URB1: variants seen among roughly 807,000 people sequenced by gnomAD.
URB1 encodes the protein nucleolar pre-ribosomal-associated protein 1.
Under a neutral mutation model 242.3 loss-of-function variants are expected in URB1, and 197 were observed. The ratio of observed to expected loss-of-function variants is 0.81; its 90% CI spans 0.72 to 0.91. URB1 has a LOEUF of 0.91. Ranked by LOEUF, URB1 falls within the 40% of genes least tolerant of loss-of-function variation. The probability of loss-of-function intolerance (pLI) is 0.00; values close to 1 mark genes in which losing one functional copy is unlikely to be tolerated. For synonymous variants in URB1, 1,153 were observed against 1,201.8 expected (o/e 0.96, Z 0.84); for missense variants, 2,721 against 2,860.5 (o/e 0.95, Z 1.11).
At chr21:32,376,081 T>A (rs1321762772) in intron 5 of URB1, among the ~76,000 whole-genome samples, 3 of 152,192 alleles carry the variant, frequency 2.0e-5, no homozygotes, top group Non-Finnish European at 4.4e-5. Flanking sequence ...TTACTTTTCT[T>A]TTCTCATATT....
rs577353560 is a variant in URB1 at position 32,313,398 on chromosome 21, A to G, written c.*1520T>C. The G allele has an allele frequency of 9.2e-5, 14 of 152,284 alleles. No homozygotes were observed. The highest frequency in any genetic ancestry group is 2.1e-4 in the Non-Finnish European group (14 of 68,072). 9.4% of individuals were successfully genotyped at this position (152,284 alleles called of 1,614,324 possible). A position where few individuals can be genotyped will look rare whatever the true frequency, so the allele number is the denominator to read the frequency against. On this transcript the variant is annotated 3_prime_UTR_variant, in exon 39 of 39. Transcript: ENST00000382751. ...AACCAGGAAGAGAACGCTTTGTTGG[A>G]GCAGCGCTTGCCTGAGTCCAGCTTG...
intron 1 of URB1, 59 bp from the exon 2 acceptor site, chr21:32,385,743 G>A (rs1374402111): frequency 6.5e-7 from 1 of 1,538,064 alleles, no homozygotes. Context: ...AACAATCACA[G>A]CCACCACTGC....
In URB1 at chr21:32,354,107, A is replaced by C. The variant is rs2033191293; in HGVS notation, c.2246-4T>G. The C allele has an allele frequency of 2.6e-6, 4 of 1,551,526 alleles. No homozygotes were observed. The highest frequency in any genetic ancestry group is 3.5e-6 in the Non-Finnish European group (4 of 1,146,970). ...ACATCCACCATGTCGAGAACATCTG[A>C]GACAGAAAGAGGAGAATCCAGCTGA... On this transcript the variant is annotated splice_polypyrimidine_tract_variant and splice_region_variant and intron_variant, in intron 17 of 38. Transcript: ENST00000382751.
rs764564202 is a variant in URB1, at chr21:32,354,975, T to A, written c.2129A>T (p.Asn710Ile). Residue 710 changes from asparagine (N) to isoleucine (I), a missense_variant, in exon 17 of 39, where the codon AAT becomes ATT. Coordinates refer to ENST00000382751, the MANE Select transcript of URB1 (RefSeq NM_014825.3). ...TGCTTTGTCTGTGTATGAATAGGGATTCGCCACCAATGTCAATAAAATCTG... is the reference window on the plus strand; with the variant it reads ...TGCTTTGTCTGTGTATGAATAGGGAATCGCCACCAATGTCAATAAAATCTG... Reference protein sequence around the residue: ...LERILLTLVANPYSYTDKASD... With the variant: ...LERILLTLVAIPYSYTDKASD... The A allele has an allele frequency of 1.5e-5, 24 of 1,551,002 alleles. No individual in the cohort carries two copies. In the African/African-American group the frequency reaches 3.0e-4, roughly 19 times the overall value.
intron 15 of URB1, among the ~76,000 whole-genome samples, chr21:32,356,110 G>C (rs1342421650): frequency 6.6e-6 from 1 of 152,232 alleles, no homozygotes; most frequent in Non-Finnish European, 1.5e-5. Flanking sequence ...GCCAGGCATA[G>C]GGGCTCATGC....
chr21:32,381,105 C>T (rs1163701898), intron 4 of URB1, among the ~76,000 whole-genome samples: 5 of 152,242 alleles, frequency 3.3e-5, no homozygotes, highest in South Asian at 2.1e-4. Context: ...CTGCCACTGT[C>T]GTGGCCCCCT....
intron 12 of URB1, among the ~76,000 whole-genome samples, 176 bp downstream of exon 12, chr21:32,361,716 G>A (rs559917327): frequency 6.6e-6 from 1 of 152,320 alleles, no homozygotes; most frequent in African/African-American, 2.4e-5. Flanking sequence ...TTCAATCTAT[G>A]ATTCCTTTCC....
At chr21:32,360,035 T>C in intron 13 of URB1, 127 bp from the exon 14 acceptor site, 1 of 832,312 alleles carries the variant, frequency 1.2e-6, no homozygotes, top group Non-Finnish European at 1.9e-6. Flanking sequence ...AGGGTTCTGT[T>C]TCTCTGTCCT....
chr21:32,350,899 G>A lies in URB1; in HGVS notation c.2637C>T (p.Pro879=), dbSNP rs1440359866. ...AGGCCAAGGGAAGGGCAGGGGGCGA[G>A]GGGCTGCCCTGTGCCTGCAGCAGCT... ...EAWLLQAQGS[P]SPPALPLASS... is the part of the protein sequence containing the mutation. Residue 879 remains proline (P), a synonymous_variant, in exon 20 of 39, where the codon CCC becomes CCT. Coordinates refer to ENST00000382751, the MANE Select transcript of URB1 (RefSeq NM_014825.3). 2 of 1,548,272 alleles carry A rather than the reference G, an allele frequency of 1.3e-6. No individual in the cohort carries two copies. Among genetic ancestry groups the A allele is most frequent in the Non-Finnish European group, 1.7e-6 (2 of 1,146,852 alleles).
intron 29 of URB1, 129 bp downstream of exon 29, chr21:32,334,034 C>T: frequency 2.5e-6 from 3 of 1,222,008 alleles, no homozygotes; most frequent in East Asian, 2.6e-5. Flanking sequence ...GGTCTCTATA[C>T]CTTTATATAT....
At chr21:32,331,386 C>G (rs552240008) in intron 30 of URB1, among the ~76,000 whole-genome samples, 6 of 152,336 alleles carry the variant, frequency 3.9e-5, no homozygotes, top group African/African-American at 1.4e-4. Flanking sequence ...CTTCCCAATT[C>G]TGGCAAGATG....
chr21:32,392,735 G>C (rs2146062620), intron 1 of URB1, 34 bp downstream of exon 1: 1 of 1,403,060 alleles, frequency 7.1e-7, no homozygotes, highest in South Asian at 1.5e-5. Context: ...GCCAGCCTGT[G>C]CTCCCGACCC....
intron 20 of URB1, among the ~76,000 whole-genome samples, chr21:32,350,335 G>A (rs901598511): frequency 6.6e-6 from 1 of 152,218 alleles, no homozygotes; most frequent in African/African-American, 2.4e-5. Context: ...TTGAAAGGCT[G>A]AGAGGTTGGA....
Position 32,392,984 on chromosome 21 carries a change from G to A in URB1, c.-74C>T, listed in dbSNP as rs1199879365. Reference sequence around the variant, plus strand: ...GGCAGGAGCACTGGCACAGACAGCAGACACGCGCTTCAGGCCCACATGGCG... The same window carrying A: ...GGCAGGAGCACTGGCACAGACAGCAAACACGCGCTTCAGGCCCACATGGCG... On this transcript the variant is annotated 5_prime_UTR_variant, in exon 1 of 39. Transcript: ENST00000382751. The A allele has an allele frequency of 8.5e-6, 12 of 1,416,558 alleles. No individual in the cohort carries two copies. Among genetic ancestry groups the A allele is most frequent in the African/African-American group, 1.5e-5 (1 of 67,868 alleles). The allele number at this position is 1,416,558 out of a possible 1,614,324, so 87.7% of individuals were successfully genotyped here. A position where few individuals can be genotyped will look rare whatever the true frequency, so the allele number is the denominator to read the frequency against.
intron 21 of URB1, among the ~76,000 whole-genome samples, chr21:32,348,358 CGT>C (rs1189650310): frequency 6.6e-6 from 1 of 152,094 alleles, no homozygotes; most frequent in Non-Finnish European, 1.5e-5. Context: ...ATTAAACCAC[CGT>C]GTGTCTACGA....
Position 32,368,516 on chromosome 21 carries a change from T to C in URB1, c.1084A>G (p.Asn362Asp). The change falls in exon 9 of 39, where the codon AAC (asparagine) becomes GAC (aspartate). Residue 362 changes from asparagine (N) to aspartate (D), a missense_variant. Coordinates refer to ENST00000382751, the MANE Select transcript of URB1 (RefSeq NM_014825.3). Reference sequence around the variant, plus strand: ...AAGTCCGGGCACACTTTGAGGATGTTTACCACAAGGTCAGCCACCAGATCA... The same window carrying C: ...AAGTCCGGGCACACTTTGAGGATGTCTACCACAAGGTCAGCCACCAGATCA... ...DDDLVADLVV[N>D]ILKVCPDLLN... 1 of 1,551,788 alleles carries C rather than the reference T, an allele frequency of 6.4e-7. No homozygotes were observed. Among genetic ancestry groups the C allele is most frequent in the Non-Finnish European group, 8.7e-7 (1 of 1,147,018 alleles).
intron 3 of URB1, among the ~76,000 whole-genome samples, 162 bp from the exon 4 acceptor site, chr21:32,383,716 A>G (rs2033551938): frequency 6.6e-6 from 1 of 152,218 alleles, no homozygotes; most frequent in Admixed American, 6.5e-5. Flanking sequence ...AAAGAAAAAA[A>G]AAAGCATAAA....
chr21:32,383,282 C>T, intron 4 of URB1, 140 bp downstream of exon 4: 1 of 1,129,048 alleles, frequency 8.9e-7, no homozygotes, highest in South Asian at 1.7e-5. Context: ...GATCCTGTGG[C>T]TGCTGACACA....
rs566281589 is a variant in URB1, at chr21:32,341,485, A to G, written c.4297T>C (p.Phe1433Leu). The change falls in exon 25 of 39, where the codon TTC becomes CTC. Residue 1433 changes from phenylalanine to leucine, a missense_variant. By Grantham distance (22) the Phe-to-Leu change is conservative. Transcript: ENST00000382751. ...ACTTACTTGAGTCCCTTCTTCACGA[A>G]TTTCTGCCAGTCACCAGGATCAACT... Reference protein sequence around the residue: ...NEVDPGDWQKFVKKGLKFRYQ... With the variant: ...NEVDPGDWQKLVKKGLKFRYQ... 9.7e-6 allele frequency: 15 copies of G among 1,551,610 alleles called. No individual in the cohort carries two copies. The African/African-American group carries it at 2.1e-4, about 21-fold the overall frequency.
Sources: gnomAD v4.1 joint callset for allele counts (sites outside exome capture counted in the v4.1 genomes callset) on GRCh38, gnomAD v4.1.1 for gene constraint, MANE v1.5 for transcripts, NCBI Gene and HGNC (gene_info 2026-07-23, HGNC 2026-07-21) for gene names.